WWOX: variants seen among roughly 807,000 people sequenced by gnomAD.
WWOX encodes the protein WW domain-containing oxidoreductase.
In WWOX, 69 loss-of-function variants were observed where a neutral mutation model predicts 46.2. The observed-to-expected ratio is 1.49, with a 90% CI of 1.23 to 1.82. WWOX has a LOEUF of 1.82. Among genes scored for constraint, WWOX ranks in the 40% most tolerant of loss-of-function variants. The probability of loss-of-function intolerance (pLI) is 0.00; values close to 1 mark genes in which losing one functional copy is unlikely to be tolerated. For synonymous variants in WWOX, 359 were observed against 202.6 expected, an observed-to-expected ratio of 1.77 and a Z score of -6.56; for missense variants, 919 against 542.6, an observed-to-expected ratio of 1.69 and a Z score of -6.89.
At chr16:78,701,122 G>A (rs2048207196) in intron 8 of WWOX, among the ~76,000 whole-genome samples, 1 of 152,100 alleles carries the variant, frequency 6.6e-6, no homozygotes, top group Admixed American at 6.5e-5. Flanking sequence ...ACCTCACAAG[G>A]TAGCTGTGAG....
intron 8 of WWOX, among the ~76,000 whole-genome samples, chr16:78,603,892 A>T (rs2045683101): frequency 1.3e-5 from 2 of 152,140 alleles, no homozygotes; most frequent in Admixed American, 1.3e-4. Context: ...CTGTAATCCC[A>T]GCACTTCAGG....
intron 5 of WWOX, among the ~76,000 whole-genome samples, chr16:78,244,495 A>C (rs1567453831): frequency 6.6e-6 from 1 of 152,190 alleles, no homozygotes; most frequent in East Asian, 1.9e-4. Flanking sequence ...AATGAAGACC[A>C]TGGTCTTGCC....
intron 5 of WWOX, among the ~76,000 whole-genome samples, chr16:78,229,232 G>C (rs970651127): frequency 6.8e-6 from 1 of 147,776 alleles, no homozygotes; most frequent in Non-Finnish European, 1.5e-5. Flanking sequence ...TAAATATTTT[G>C]CCTTTTTGAA....
intron 8 of WWOX, among the ~76,000 whole-genome samples, chr16:78,647,674 C>G (rs2046875949): frequency 6.6e-6 from 1 of 152,194 alleles, no homozygotes; most frequent in African/African-American, 2.4e-5. Context: ...CAGACCATCA[C>G]CTTCTTATAC....
chr16:78,520,686 G>A (rs545336803), intron 8 of WWOX, among the ~76,000 whole-genome samples: 1 of 152,144 alleles, frequency 6.6e-6, no homozygotes, highest in Admixed American at 6.5e-5. Context: ...GAAGTCTAGG[G>A]TACGTGGGGA....
intron 8 of WWOX, among the ~76,000 whole-genome samples, chr16:79,130,302 A>T (rs2049850182): frequency 6.6e-6 from 1 of 152,220 alleles, no homozygotes. Context: ...CTTAGACCTC[A>T]AAATATATTG....
At chr16:78,236,467 T>A (rs2037441690) in intron 5 of WWOX, among the ~76,000 whole-genome samples, 1 of 152,218 alleles carries the variant, frequency 6.6e-6, no homozygotes. Context: ...TCATGGTTTG[T>A]CCTTTCCATG....
intron 8 of WWOX, among the ~76,000 whole-genome samples, chr16:78,802,703 G>A (rs2050922112): frequency 6.6e-6 from 1 of 151,646 alleles, no homozygotes. Flanking sequence ...ATTACTTGAG[G>A]TCAGGAGTTC....
intron 5 of WWOX, among the ~76,000 whole-genome samples, chr16:78,381,266 C>A (rs2081951727): frequency 6.6e-6 from 1 of 152,158 alleles, no homozygotes; most frequent in African/African-American, 2.4e-5. Context: ...TGCATAACAA[C>A]AAGAAACCCC....
chr16:78,228,429 C>A (rs1389169096), intron 5 of WWOX, among the ~76,000 whole-genome samples: 1 of 150,734 alleles, frequency 6.6e-6, no homozygotes, highest in Non-Finnish European at 1.5e-5. Context: ...GCAGCCTTGA[C>A]CTCCTGGGTT....
At chr16:78,144,302 C>T (rs2034089103) in intron 4 of WWOX, among the ~76,000 whole-genome samples, 1 of 149,672 alleles carries the variant, frequency 6.7e-6, no homozygotes, top group African/African-American at 2.5e-5. Flanking sequence ...TTTTAGGTTT[C>T]CATGGGAGAA....
rs1403389679 is a variant in WWOX, at chr16:78,115,037, C to T, written c.292C>T (p.Pro98Ser). 2 of 1,614,050 alleles carry T rather than the reference C, an allele frequency of 1.2e-6. No homozygotes were observed. The highest frequency in any genetic ancestry group is 1.7e-6 in the Non-Finnish European group (2 of 1,180,040). ...PRLAFTVDDN[P>S]TKPTTRQRYD... ...ACTGGCGTTTACTGTGGATGATAAT[C>T]CGACCAAGCCAACCACCCGGCAAAG... The change falls in exon 4 of 9, where the codon CCG becomes TCG. Residue 98 changes from proline (P) to serine (S), a missense_variant. Coordinates refer to ENST00000566780, the MANE Select transcript of WWOX (RefSeq NM_016373.4).
intron 8 of WWOX, among the ~76,000 whole-genome samples, chr16:79,202,167 A>G (rs751922045): frequency 6.6e-6 from 1 of 152,188 alleles, no homozygotes; most frequent in Non-Finnish European, 1.5e-5. Flanking sequence ...GCCAGACATT[A>G]TATGGGCCAC....
chr16:78,217,133 G>A (rs2151794259), intron 5 of WWOX, among the ~76,000 whole-genome samples: 1 of 152,296 alleles, frequency 6.6e-6, no homozygotes. Context: ...ATTAGGACCT[G>A]GACATCTTTG....
chr16:79,095,213 C>A lies in WWOX; in HGVS notation c.1057-116395C>A, dbSNP rs181514666. Among the ~76,000 whole-genome samples, 124 of 152,234 alleles carry A rather than the reference C, an allele frequency of 8.1e-4. No homozygotes were observed. The East Asian group carries it at 0.023, about 28-fold the overall frequency. Reference sequence around the variant, plus strand: ...GTCCACCTGTCGTTTTCCTTTCTACCCCAACAGGGCTTTCTCCCTCTGGCT... The same window carrying A: ...GTCCACCTGTCGTTTTCCTTTCTACACCAACAGGGCTTTCTCCCTCTGGCT... On this transcript the variant is annotated intron_variant, in intron 8 of 8. Transcript: ENST00000566780.
intron 8 of WWOX, among the ~76,000 whole-genome samples, chr16:78,650,801 G>T (rs10083821): frequency 0.04 from 6,072 of 152,230 alleles, 390 homozygotes; most frequent in African/African-American, 0.14. Flanking sequence ...CAGCTGGCCT[G>T]CAAAGGTTCC....
At chr16:78,575,266 T>A (rs1404940498) in intron 8 of WWOX, among the ~76,000 whole-genome samples, 8 of 149,452 alleles carry the variant, frequency 5.4e-5, no homozygotes, top group Non-Finnish European at 4.4e-5. Context: ...ACTGACTTTT[T>A]ATTTTTTTTC....
intron 8 of WWOX, among the ~76,000 whole-genome samples, chr16:78,750,332 G>T (rs1363304556): frequency 6.6e-6 from 1 of 152,146 alleles, no homozygotes; most frequent in East Asian, 1.9e-4. Context: ...CCCTCCTGTG[G>T]TCTGTAAGAA....
chr16:78,670,013 GT>G (rs2047422734), intron 8 of WWOX, among the ~76,000 whole-genome samples: 1 of 151,998 alleles, frequency 6.6e-6, no homozygotes, highest in Admixed American at 6.6e-5. Context: ...TATTTGGCTC[GT>G]TTTTCTTTTT....
Sources: allele counts gnomAD v4.1 joint callset (sites outside exome capture counted in the v4.1 genomes callset), GRCh38; gene constraint gnomAD v4.1.1; transcripts MANE v1.5; gene names NCBI Gene and HGNC (gene_info 2026-07-23, HGNC 2026-07-21).